CDH23: variants seen among roughly 807,000 people sequenced by gnomAD.
CDH23 encodes the protein cadherin-23.
A neutral mutation model predicts 317.1 loss-of-function variants in CDH23; 189 were observed. The observed-to-expected ratio is 0.60, with a 90% confidence interval of 0.53 to 0.67. The LOEUF (loss-of-function observed/expected upper bound fraction) is 0.67, where lower values mean the gene tolerates loss of function less well. Ranked by LOEUF, CDH23 falls within the 30% of genes least tolerant of loss-of-function variation. The pLI is 0.00. For missense variants in CDH23, 4,401 were observed against 4,592.4 expected (o/e 0.96, Z 1.20); for synonymous variants, 1,839 against 1,876.8 (o/e 0.98, Z 0.52).
At chr10:71,698,239 G>A (rs975557628) in intron 22 of CDH23, among the ~76,000 whole-genome samples, 32 of 152,094 alleles carry the variant, frequency 2.1e-4, no homozygotes, top group Admixed American at 1.8e-3. Context: ...ATTTTGAAAA[G>A]GAAGTTATAA....
chr10:71,767,647 T>C (rs112147052), intron 38 of CDH23, among the ~76,000 whole-genome samples: 2,903 of 152,296 alleles, frequency 0.019, 100 homozygotes, highest in African/African-American at 0.067. Context: ...CAATCAGGAC[T>C]GGGGCTGCCA....
intron 6 of CDH23, among the ~76,000 whole-genome samples, chr10:71,536,782 G>A (rs913273071): frequency 6.6e-6 from 1 of 152,102 alleles, no homozygotes; most frequent in Admixed American, 6.5e-5. Flanking sequence ...TGAAGAGAAG[G>A]GGCCAGGATC....
chr10:71,686,135 C>T (rs1213474881), intron 18 of CDH23, among the ~76,000 whole-genome samples: 8 of 152,046 alleles, frequency 5.3e-5, no homozygotes, highest in Non-Finnish European at 7.4e-5. Context: ...TTTTGTAGAG[C>T]GAGCCGCTGA....
chr10:71,405,036 G>A (rs1004811952), intron 1 of CDH23, among the ~76,000 whole-genome samples: 5 of 152,290 alleles, frequency 3.3e-5, no homozygotes, highest in African/African-American at 7.2e-5. Context: ...AAGGGCAGCC[G>A]CGACTCTGTC....
rs1282953458 is a variant in CDH23 at position 71,663,955 on chromosome 10, C to T, written c.1450-11157C>T. On this transcript the variant is annotated intron_variant, in intron 14 of 69. Coordinates refer to ENST00000224721, the MANE Select transcript of CDH23 (RefSeq NM_022124.6). ...GGCGGAGGTTGCAGTGAACCAAGAT[C>T]GTGCCACTGCACACCAGCCTCGGCG... 5.3e-5 allele frequency among the ~76,000 whole-genome samples: 8 copies of T among 151,302 alleles called. No individual in the cohort carries two copies. In the South Asian group the frequency reaches 6.3e-4, roughly 12 times the overall value.
At chr10:71,805,406 CAG>C (rs1332950113) in intron 55 of CDH23, among the ~76,000 whole-genome samples, 1 of 152,222 alleles carries the variant, frequency 6.6e-6, no homozygotes, top group African/African-American at 2.4e-5. Flanking sequence ...TTTGGGGTAG[CAG>C]AGAGAGCAAG....
intron 21 of CDH23, among the ~76,000 whole-genome samples, chr10:71,695,052 C>T (rs1375474732): frequency 6.6e-6 from 1 of 152,182 alleles, no homozygotes; most frequent in Non-Finnish European, 1.5e-5. Flanking sequence ...AGGGAAATTG[C>T]TTGGCTTGTA....
chr10:71,481,019 T>C (rs1852037224), intron 3 of CDH23, among the ~76,000 whole-genome samples: 1 of 152,082 alleles, frequency 6.6e-6, no homozygotes, highest in African/African-American at 2.4e-5. Flanking sequence ...TGAGATGGCT[T>C]TGTGAAAATC....
intron 7 of CDH23, among the ~76,000 whole-genome samples, chr10:71,567,891 C>A (rs1461794693): frequency 2.6e-5 from 4 of 152,242 alleles, no homozygotes; most frequent in Non-Finnish European, 4.4e-5. Flanking sequence ...GAGTCCCTCT[C>A]AACCCTCCAG....
intron 14 of CDH23, among the ~76,000 whole-genome samples, chr10:71,654,504 G>C (rs1863328249): frequency 1.3e-5 from 2 of 152,228 alleles, no homozygotes; most frequent in South Asian, 4.1e-4. Flanking sequence ...AGCAATAGCT[G>C]TTTTTAATAC....
At chr10:71,695,218 T>C (rs901172112) in intron 21 of CDH23, among the ~76,000 whole-genome samples, 200 bp from the exon 22 acceptor site, 1 of 152,220 alleles carries the variant, frequency 6.6e-6, no homozygotes, top group Non-Finnish European at 1.5e-5. Context: ...GGGACAACAC[T>C]GGAACTCTCT....
At chr10:71,617,883 G>A (rs757979087) in intron 11 of CDH23, among the ~76,000 whole-genome samples, 4 of 151,798 alleles carry the variant, frequency 2.6e-5, no homozygotes, top group East Asian at 1.9e-4. Flanking sequence ...TCCCAGCTAC[G>A]TGAGAGGCTG....
intron 1 of CDH23, among the ~76,000 whole-genome samples, chr10:71,432,508 G>T (rs1381081303): frequency 6.6e-6 from 1 of 151,724 alleles, no homozygotes; most frequent in Non-Finnish European, 1.5e-5. Flanking sequence ...CAGTGTGTGG[G>T]TGAGTGTGAG....
chr10:71,736,366 G>A (rs533704565), intron 34 of CDH23, among the ~76,000 whole-genome samples: 5 of 152,296 alleles, frequency 3.3e-5, no homozygotes, highest in African/African-American at 7.2e-5. Context: ...CTGCTAGGCC[G>A]GAACCCAAAC....
intron 30 of CDH23, among the ~76,000 whole-genome samples, chr10:71,729,980 G>A (rs542745580): frequency 1.3e-3 from 196 of 151,924 alleles, no homozygotes; most frequent in Non-Finnish European, 2.3e-3. Context: ...GACTACAGGC[G>A]CCCGCCACCA....
intron 1 of CDH23, among the ~76,000 whole-genome samples, chr10:71,439,455 T>G (rs75593777): frequency 6.6e-6 from 1 of 152,108 alleles, no homozygotes; most frequent in Admixed American, 6.5e-5. Flanking sequence ...TCTTGGGGGA[T>G]GTGGTCCTGG....
chr10:71,807,456 C>T (rs2132988271), intron 58 of CDH23, 50 bp downstream of exon 58: 3 of 1,611,744 alleles, frequency 1.9e-6, no homozygotes, highest in Non-Finnish European at 2.5e-6. Context: ...CTAGAGATGA[C>T]CCACATATGC....
At chr10:71,524,536 G>C (rs1241741850) in intron 6 of CDH23, among the ~76,000 whole-genome samples, 1 of 152,182 alleles carries the variant, frequency 6.6e-6, no homozygotes, top group Non-Finnish European at 1.5e-5. Flanking sequence ...GTCATCTAAT[G>C]GGGCTGGAGT....
chr10:71,427,195 G>GAGAA (rs373672706), intron 1 of CDH23, among the ~76,000 whole-genome samples: 4,081 of 98,816 alleles, frequency 0.041, 194 homozygotes, highest in Middle Eastern at 0.064. Flanking sequence ...AGGAAGGAAA[G>GAGAA]AGAAAGAAAG....
Sources: gnomAD v4.1 joint callset for allele counts (sites outside exome capture counted in the v4.1 genomes callset) on GRCh38, gnomAD v4.1.1 for gene constraint, MANE v1.5 for transcripts, NCBI Gene and HGNC (gene_info 2026-07-23, HGNC 2026-07-21) for gene names.